Variants in GRID2 observed in about 807,000 individuals in gnomAD.
GRID2 encodes the protein glutamate receptor ionotropic, delta-2.
A neutral mutation model predicts 114.8 loss-of-function variants in GRID2; 33 were observed. That is an observed-to-expected ratio of 0.29 (90% confidence interval 0.22 to 0.38). The LOEUF (loss-of-function observed/expected upper bound fraction) is 0.38, where lower values mean the gene tolerates loss of function less well. GRID2 is among the 10% of genes least tolerant of loss of function. The pLI, the probability that GRID2 is intolerant of heterozygous loss-of-function variation, is 1.00. For synonymous variants in GRID2, 505 were observed against 449.9 expected (o/e 1.12, Z -1.55); for missense variants, 1,184 against 1,257.7 (o/e 0.94, Z 0.89).
At chr4:93,238,559 A>C in intron 8 of GRID2, 69 bp downstream of exon 8, 2 of 1,398,370 alleles carry the variant, frequency 1.4e-6, no homozygotes, top group Non-Finnish European at 2.0e-6. Flanking sequence ...TTTTCCATGC[A>C]GTATGATCAC....
chr4:92,740,329 A>G (rs1736812492), intron 2 of GRID2, among the ~76,000 whole-genome samples: 1 of 152,178 alleles, frequency 6.6e-6, no homozygotes, highest in African/African-American at 2.4e-5. Context: ...ATTTTTCTTT[A>G]TGGGTCAACA....
At chr4:92,309,481 A>G (rs183290753) in intron 1 of GRID2, among the ~76,000 whole-genome samples, 37 of 151,920 alleles carry the variant, frequency 2.4e-4, no homozygotes, top group Non-Finnish European at 2.5e-4. Flanking sequence ...GCCTATAAAG[A>G]TATCTTTGCC....
intron 1 of GRID2, among the ~76,000 whole-genome samples, chr4:92,472,643 C>T (rs1274717663): frequency 3.9e-5 from 6 of 152,054 alleles, no homozygotes; most frequent in Non-Finnish European, 7.4e-5. Context: ...AGGGATGTCT[C>T]GCTGTGGGTT....
At chr4:93,332,962 C>T (rs1260119315) in intron 8 of GRID2, among the ~76,000 whole-genome samples, 1 of 152,158 alleles carries the variant, frequency 6.6e-6, no homozygotes, top group Non-Finnish European at 1.5e-5. Flanking sequence ...ATTTCTCCAA[C>T]CATACTGGCT....
At chr4:92,307,479 G>A (rs1725469187) in intron 1 of GRID2, among the ~76,000 whole-genome samples, 1 of 151,988 alleles carries the variant, frequency 6.6e-6, no homozygotes, top group Non-Finnish European at 1.5e-5. Context: ...AATTATTTTG[G>A]TATTGAACCA....
At chr4:93,433,401 C>T (rs577951838) in intron 10 of GRID2, among the ~76,000 whole-genome samples, 51 of 152,060 alleles carry the variant, frequency 3.4e-4, no homozygotes, top group Admixed American at 2.5e-3. Context: ...TAATTGACAA[C>T]ATAAAACAAA....
intron 13 of GRID2, among the ~76,000 whole-genome samples, chr4:93,542,457 G>A (rs920374597): frequency 6.6e-6 from 1 of 152,136 alleles, no homozygotes; most frequent in African/African-American, 2.4e-5. Flanking sequence ...CTGATCGCCA[G>A]TATTAAACCA....
intron 2 of GRID2, among the ~76,000 whole-genome samples, chr4:92,985,413 T>A (rs1412515067): frequency 6.6e-6 from 1 of 151,798 alleles, no homozygotes; most frequent in Admixed American, 6.6e-5. Flanking sequence ...TTTTTTTGTA[T>A]TTTTTAGTAG....
intron 12 of GRID2, among the ~76,000 whole-genome samples, chr4:93,513,455 G>A (rs148931037): frequency 6.6e-6 from 1 of 152,242 alleles, no homozygotes; most frequent in Non-Finnish European, 1.5e-5. Flanking sequence ...ACAAGTAAAT[G>A]TCCACTCACT....
At chr4:93,426,184 A>G (rs532305814) in intron 10 of GRID2, among the ~76,000 whole-genome samples, 5 of 152,306 alleles carry the variant, frequency 3.3e-5, no homozygotes, top group African/African-American at 1.2e-4. Flanking sequence ...TCTATTTAAT[A>G]CATAAGTTAC....
At chr4:93,565,313 A>G (rs1187542510) in intron 13 of GRID2, among the ~76,000 whole-genome samples, 4 of 152,172 alleles carry the variant, frequency 2.6e-5, no homozygotes, top group Non-Finnish European at 5.9e-5. Context: ...ATTCATATCA[A>G]TATCTTGATT....
intron 1 of GRID2, among the ~76,000 whole-genome samples, chr4:92,497,398 G>A (rs1349458569): frequency 6.6e-6 from 1 of 151,760 alleles, no homozygotes; most frequent in African/African-American, 2.4e-5. Flanking sequence ...AAGAAGGTCT[G>A]TGAAACAAGA....
chr4:92,988,168 G>C (rs1277293369), intron 2 of GRID2, among the ~76,000 whole-genome samples: 3 of 152,096 alleles, frequency 2.0e-5, no homozygotes, highest in Admixed American at 1.3e-4. Context: ...TCAGCTGGGT[G>C]CTTCTGGCTC....
chr4:92,916,031 T>C (rs1197050135), intron 2 of GRID2, among the ~76,000 whole-genome samples: 1 of 152,190 alleles, frequency 6.6e-6, no homozygotes, highest in Non-Finnish European at 1.5e-5. Context: ...TTGCTCACTC[T>C]CTTAATAGTT....
intron 2 of GRID2, among the ~76,000 whole-genome samples, chr4:92,916,830 G>A (rs551442213): frequency 5.9e-5 from 9 of 151,886 alleles, no homozygotes; most frequent in African/African-American, 2.2e-4. Flanking sequence ...AGCTGTGTGT[G>A]TGTGTCTTTA....
At chr4:92,430,679 A>G (rs185663561) in intron 1 of GRID2, among the ~76,000 whole-genome samples, 189 of 152,222 alleles carry the variant, frequency 1.2e-3, no homozygotes, top group Admixed American at 6.1e-3. Flanking sequence ...TGCATTGAAT[A>G]TATGGATTAG....
chr4:93,275,882 A>G (rs1752004711), intron 8 of GRID2, among the ~76,000 whole-genome samples: 2 of 151,994 alleles, frequency 1.3e-5, no homozygotes, highest in South Asian at 2.1e-4. Context: ...TATCAGATCT[A>G]TGATTTGCAA....
At chr4:93,119,374 GT>G (rs1297278819) in intron 4 of GRID2, among the ~76,000 whole-genome samples, 3 of 152,080 alleles carry the variant, frequency 2.0e-5, no homozygotes, top group Admixed American at 6.6e-5. Context: ...TGTTGCATTT[GT>G]TGCTGTGTAC....
chr4:93,697,865 G>GTATATATATA (rs574552355), intron 14 of GRID2, among the ~76,000 whole-genome samples: 1,572 of 74,872 alleles, frequency 0.021, 70 homozygotes, highest in African/African-American at 0.054. Flanking sequence ...ATTCCACAAT[G>GTATATATATA]TGTGTATATA....
Sources: gnomAD v4.1 joint callset for allele counts (sites outside exome capture counted in the v4.1 genomes callset) on GRCh38, gnomAD v4.1.1 for gene constraint, MANE v1.5 for transcripts, NCBI Gene and HGNC (gene_info 2026-07-23, HGNC 2026-07-21) for gene names.